The following PTPRT variants were observed in gnomAD, a reference collection of about 807,000 sequenced individuals.
PTPRT encodes protein tyrosine phosphatase receptor type T, also known as receptor-type tyrosine-protein phosphatase T.
A neutral mutation model predicts 176.8 loss-of-function variants in PTPRT; 56 were observed. The observed-to-expected ratio is 0.32, with a 90% CI of 0.26 to 0.40. PTPRT has a LOEUF of 0.40. Among genes scored for constraint, PTPRT ranks in the 10% least tolerant of loss-of-function variants. PTPRT has a pLI of 1.00. For missense variants in PTPRT, 1,540 were observed against 1,908.2 expected (o/e 0.81, Z 3.60); for synonymous variants, 783 against 739.0 (o/e 1.06, Z -0.96).
At chr20:42,245,606 T>C (rs1012117132) in intron 14 of PTPRT, among the ~76,000 whole-genome samples, 1 of 152,198 alleles carries the variant, frequency 6.6e-6, no homozygotes, top group African/African-American at 2.4e-5. Flanking sequence ...GCTTTTTTCA[T>C]TAAACCCTTC....
intron 1 of PTPRT, among the ~76,000 whole-genome samples, chr20:42,973,370 G>T (rs1180478003): frequency 2.0e-5 from 3 of 152,066 alleles, no homozygotes; most frequent in African/African-American, 7.2e-5. Flanking sequence ...GACCTAAAAT[G>T]TCAGCTCAAA....
intron 18 of PTPRT, among the ~76,000 whole-genome samples, chr20:42,130,832 G>C (rs1002641012): frequency 2.0e-5 from 3 of 152,130 alleles, no homozygotes; most frequent in African/African-American, 7.2e-5. Flanking sequence ...ATGTGACATG[G>C]GGGAGGAGTT....
intron 15 of PTPRT, among the ~76,000 whole-genome samples, chr20:42,218,893 A>G (rs2055825843): frequency 6.6e-6 from 1 of 152,218 alleles, no homozygotes; most frequent in South Asian, 2.1e-4. Flanking sequence ...TGGATGTGTT[A>G]CTTTGGCTGT....
intron 1 of PTPRT, among the ~76,000 whole-genome samples, chr20:43,007,093 G>T (rs867336722): frequency 6.6e-6 from 1 of 152,152 alleles, no homozygotes; most frequent in Admixed American, 6.5e-5. Context: ...AGAGAGAGAC[G>T]ATCAGAGCTC....
intron 1 of PTPRT, among the ~76,000 whole-genome samples, chr20:43,019,448 A>C (rs1040657666): frequency 1.3e-5 from 2 of 151,854 alleles, no homozygotes; most frequent in Non-Finnish European, 2.9e-5. Context: ...GTGAAACCCC[A>C]TCTCTATTAA....
the PTPRT span, among the ~76,000 whole-genome samples, chr20:42,059,477 G>GC: frequency 6.6e-6 from 1 of 152,146 alleles, no homozygotes; most frequent in East Asian, 1.9e-4. Context: ...GGAGATACCT[G>GC]CCATGCAGTA....
chr20:43,041,929 G>C (rs1372966690), intron 1 of PTPRT, among the ~76,000 whole-genome samples: 1 of 152,208 alleles, frequency 6.6e-6, no homozygotes, highest in Non-Finnish European at 1.5e-5. Context: ...AATGTTTACT[G>C]ACCCTTGGTC....
At chr20:42,212,021 A>ATT (rs2055645689) in intron 15 of PTPRT, among the ~76,000 whole-genome samples, 1 of 144,726 alleles carries the variant, frequency 6.9e-6, no homozygotes, top group Non-Finnish European at 1.5e-5. Flanking sequence ...ACTGGAAAAC[A>ATT]TCATTCTCAG....
chr20:42,613,097 T>A (rs1210977419), intron 7 of PTPRT, among the ~76,000 whole-genome samples: 1 of 152,226 alleles, frequency 6.6e-6, no homozygotes, highest in African/African-American at 2.4e-5. Context: ...AGCAAAAACT[T>A]TTTTTGAAAA....
At chr20:42,796,083 A>T (rs1167653197) in intron 2 of PTPRT, among the ~76,000 whole-genome samples, 1 of 152,210 alleles carries the variant, frequency 6.6e-6, no homozygotes, top group Non-Finnish European at 1.5e-5. Flanking sequence ...AGAGAGGTAA[A>T]GTCATTTTCT....
At chr20:42,351,113 C>CT (rs11476309) in intron 10 of PTPRT, among the ~76,000 whole-genome samples, 13 of 148,226 alleles carry the variant, frequency 8.8e-5, no homozygotes, top group South Asian at 2.1e-4. Flanking sequence ...TCCCCTCTAC[C>CT]TTTTTTTTTT....
chr20:42,521,111 AGTG>A lies in PTPRT; in HGVS notation c.1154-48552_1154-48550del, dbSNP rs1308672275. ...GTGTATCTACCTATCTAACCTACCT[AGTG>A]ACCTACCTACCTACCTACCTACTCA... On this transcript the variant is annotated intron_variant, in intron 7 of 30. Transcript: ENST00000373187. Among the ~76,000 whole-genome samples, 941 of 151,954 alleles carry A rather than the reference AGTG, an allele frequency of 6.2e-3. 16 individuals are homozygous for A. The highest frequency in any genetic ancestry group is 0.022 in the African/African-American group (903 of 41,438).
chr20:43,149,594 C>A (rs2014277429), intron 1 of PTPRT, among the ~76,000 whole-genome samples: 1 of 152,174 alleles, frequency 6.6e-6, no homozygotes, highest in Non-Finnish European at 1.5e-5. Flanking sequence ...AGCAACTGAA[C>A]CTCTCAGAAC....
intron 1 of PTPRT, among the ~76,000 whole-genome samples, chr20:42,943,986 T>C (rs577750879): frequency 4.7e-4 from 72 of 152,054 alleles, no homozygotes; most frequent in African/African-American, 1.7e-3. Flanking sequence ...ACCACTGCAC[T>C]CCAACCTGGG....
chr20:42,914,623 T>A (rs1165508508), intron 1 of PTPRT, among the ~76,000 whole-genome samples: 1 of 152,192 alleles, frequency 6.6e-6, no homozygotes, highest in Non-Finnish European at 1.5e-5. Context: ...TCTGACATCC[T>A]GGAACAGCCA....
At position 42,356,832 on chromosome 20, in the gene PTPRT, C is replaced by G. The variant is rs529874764; in HGVS notation, c.1561-4547G>C. ...TGAGCTGGCCTCGCTCGTCCTCCCCCCAGCACCCCAAGCCTTACTTCAGTA... is the reference window on the plus strand; with the variant it reads ...TGAGCTGGCCTCGCTCGTCCTCCCCGCAGCACCCCAAGCCTTACTTCAGTA... On this transcript the variant is annotated intron_variant, in intron 9 of 30. Coordinates refer to ENST00000373187, the MANE Select transcript of PTPRT (RefSeq NM_007050.6). Among the ~76,000 whole-genome samples the G allele has an allele frequency of 7.2e-5, 11 of 152,274 alleles. No individual in the cohort carries two copies. The East Asian group carries it at 2.1e-3, about 29-fold the overall frequency.
intron 7 of PTPRT, among the ~76,000 whole-genome samples, chr20:42,633,878 T>C (rs1322160697): frequency 7.4e-5 from 6 of 81,132 alleles, no homozygotes; most frequent in Non-Finnish European, 1.3e-4. Flanking sequence ...CTATAATATA[T>C]TATAATATAA....
At position 42,120,552 on chromosome 20, in the gene PTPRT, T is replaced by C. The variant is rs532080116; in HGVS notation, c.2848-581A>G. ...ATGGAAGGCTGACCTGGGAGACCCA[T>C]AAAGATACCTGCAAATACAAAGACC... On this transcript the variant is annotated intron_variant, in intron 19 of 30. Transcript: ENST00000373187. Among the ~76,000 whole-genome samples the C allele has an allele frequency of 2.6e-5, 4 of 152,286 alleles. No individual in the cohort carries two copies. The South Asian group carries it at 8.3e-4, about 32-fold the overall frequency.
chr20:42,622,448 G>C (rs2074216705), intron 7 of PTPRT, among the ~76,000 whole-genome samples: 1 of 152,060 alleles, frequency 6.6e-6, no homozygotes, highest in African/African-American at 2.4e-5. Flanking sequence ...CACCTTGTTA[G>C]CCAGGATGGT....
Sources: allele counts gnomAD v4.1 joint callset (sites outside exome capture counted in the v4.1 genomes callset), GRCh38; gene constraint gnomAD v4.1.1; transcripts MANE v1.5; gene names NCBI Gene and HGNC (gene_info 2026-07-23, HGNC 2026-07-21).